Variants in NAALADL2 observed in about 807,000 individuals in gnomAD.
NAALADL2 encodes the protein inactive N-acetylated-alpha-linked acidic dipeptidase-like protein 2.
NAALADL2 carries 76 observed loss-of-function variants against 87.2 expected under a neutral mutation model. The ratio of observed to expected loss-of-function variants is 0.87; its 90% CI spans 0.72 to 1.05. The LOEUF (loss-of-function observed/expected upper bound fraction) is 1.05. Ranked by LOEUF, NAALADL2 falls within the 50% of genes least tolerant of loss-of-function variation. NAALADL2 has a pLI of 0.00. For missense variants in NAALADL2, 1,089 were observed against 945.8 expected (o/e 1.15, Z -1.99); for synonymous variants, 354 against 331.0 (o/e 1.07, Z -0.75).
chr3:174,571,380 C>CT (rs1015591274), intron 2 of NAALADL2, among the ~76,000 whole-genome samples: 5 of 151,330 alleles, frequency 3.3e-5, no homozygotes, highest in South Asian at 2.1e-4. Context: ...CATGTAAATT[C>CT]TTTTTTTTTC....
At chr3:175,276,360 C>A (rs369346420) in intron 4 of NAALADL2, among the ~76,000 whole-genome samples, 1 of 147,594 alleles carries the variant, frequency 6.8e-6, no homozygotes, top group Non-Finnish European at 1.5e-5. Context: ...AGTGCAGCAG[C>A]GTGATCTCAG....
chr3:175,011,306 GA>G (rs1341553454), intron 1 of NAALADL2, among the ~76,000 whole-genome samples: 5 of 150,166 alleles, frequency 3.3e-5, no homozygotes, highest in Admixed American at 3.3e-4. Context: ...GAGAGAGAGA[GA>G]GAGAGAGAGA....
intron 1 of NAALADL2, among the ~76,000 whole-genome samples, chr3:174,862,588 C>T (rs1726634560): frequency 6.6e-6 from 1 of 152,104 alleles, no homozygotes; most frequent in Non-Finnish European, 1.5e-5. Context: ...ATCCAGTTTC[C>T]ATGAGCTTTT....
At chr3:174,504,872 T>C (rs932376858) in intron 1 of NAALADL2, among the ~76,000 whole-genome samples, 1 of 152,156 alleles carries the variant, frequency 6.6e-6, no homozygotes. Flanking sequence ...ACATCTCGTA[T>C]AGAGAAGTGT....
At chr3:175,157,612 A>G (rs907458082) in intron 2 of NAALADL2, among the ~76,000 whole-genome samples, 1 of 152,100 alleles carries the variant, frequency 6.6e-6, no homozygotes, top group African/African-American at 2.4e-5. Flanking sequence ...CCACATTTGA[A>G]CAGTAATGTC....
intron 3 of NAALADL2, among the ~76,000 whole-genome samples, chr3:174,814,210 A>AC (rs1278745799): frequency 1.3e-5 from 2 of 151,870 alleles, no homozygotes; most frequent in African/African-American, 4.8e-5. Flanking sequence ...CCGGGTTCAC[A>AC]CCATTCTTCT....
intron 4 of NAALADL2, among the ~76,000 whole-genome samples, chr3:175,274,759 G>C (rs559571602): frequency 6.6e-6 from 1 of 152,072 alleles, no homozygotes; most frequent in Non-Finnish European, 1.5e-5. Flanking sequence ...TGAATTGAAG[G>C]TGAGCTACCT....
At chr3:174,747,439 T>C (rs888732366) in intron 3 of NAALADL2, among the ~76,000 whole-genome samples, 8 of 151,680 alleles carry the variant, frequency 5.3e-5, no homozygotes, top group African/African-American at 1.9e-4. Context: ...CTGACCAACT[T>C]GGTGAAACCA....
intron 11 of NAALADL2, chr3:175,675,221 G>A (rs759357966): frequency 6.6e-6 from 1 of 152,068 alleles, no homozygotes; most frequent in Non-Finnish European, 1.5e-5. Context: ...TTACCATTCC[G>A]GTAAGTCCTA....
At chr3:175,438,033 G>T (rs764957065) in intron 5 of NAALADL2, among the ~76,000 whole-genome samples, 2 of 151,976 alleles carry the variant, frequency 1.3e-5, no homozygotes, top group Non-Finnish European at 2.9e-5. Context: ...CAATTTCGTG[G>T]TTTCAAATTT....
At chr3:175,162,163 C>T (rs771554196) in intron 2 of NAALADL2, among the ~76,000 whole-genome samples, 18 of 152,096 alleles carry the variant, frequency 1.2e-4, no homozygotes, top group Non-Finnish European at 2.2e-4. Context: ...GGGTAAAAGG[C>T]TATTAAATTT....
In NAALADL2 at chr3:175,411,370, T is replaced by C. The variant is rs548100283; in HGVS notation, c.1091-35859T>C. Among the ~76,000 whole-genome samples, 42 of 152,298 alleles carry C rather than the reference T, an allele frequency of 2.8e-4. 2 individuals are homozygous for C. In the South Asian group the frequency reaches 8.1e-3, roughly 29 times the overall value. On this transcript the variant is annotated intron_variant, in intron 5 of 13. Coordinates refer to ENST00000454872, the MANE Select transcript of NAALADL2 (RefSeq NM_207015.3). ...ATTCAGGAAGAGGGATTAAGTAGTA[T>C]GTATGTTAGAAATACTGGTCTGATT... is the stretch of plus-strand genomic sequence containing the variant.
At chr3:174,870,933 G>A (rs1191353726) in intron 1 of NAALADL2, among the ~76,000 whole-genome samples, 1 of 152,030 alleles carries the variant, frequency 6.6e-6, no homozygotes, top group African/African-American at 2.4e-5. Context: ...CTGTTTTGGT[G>A]CATCTTGATT....
intron 2 of NAALADL2, among the ~76,000 whole-genome samples, chr3:174,637,074 A>T (rs905563503): frequency 6.6e-6 from 1 of 152,166 alleles, no homozygotes; most frequent in Admixed American, 6.5e-5. Context: ...AAGGCACAGA[A>T]ACATAAGTAT....
chr3:175,092,235 A>T (rs1172797483), intron 1 of NAALADL2, among the ~76,000 whole-genome samples: 1 of 151,896 alleles, frequency 6.6e-6, no homozygotes, highest in Non-Finnish European at 1.5e-5. Flanking sequence ...GCATAATTTT[A>T]TGCATAAAAT....
intron 5 of NAALADL2, among the ~76,000 whole-genome samples, chr3:175,356,583 A>AAT (rs1026779511): frequency 9.8e-5 from 12 of 122,964 alleles, no homozygotes; most frequent in African/African-American, 4.3e-4. Context: ...TCAAAATAAT[A>AAT]ATAATAATAA....
chr3:174,774,635 G>A (rs981253162), intron 3 of NAALADL2, among the ~76,000 whole-genome samples: 10 of 152,096 alleles, frequency 6.6e-5, no homozygotes, highest in Non-Finnish European at 7.4e-5. Flanking sequence ...AGACCCATGG[G>A]GAGTTTTCTT....
chr3:174,562,193 A>G (rs1264114942), intron 2 of NAALADL2, among the ~76,000 whole-genome samples: 2 of 152,180 alleles, frequency 1.3e-5, no homozygotes, highest in African/African-American at 2.4e-5. Flanking sequence ...ATAATTTTCT[A>G]CTTAACTCAA....
chr3:174,990,405 C>A (rs1030587723), intron 1 of NAALADL2, among the ~76,000 whole-genome samples: 14 of 152,032 alleles, frequency 9.2e-5, no homozygotes, highest in Non-Finnish European at 1.2e-4. Context: ...TGAAGCCAAG[C>A]CTTGCGTCTC....
Sources: allele counts gnomAD v4.1 joint callset (sites outside exome capture counted in the v4.1 genomes callset), GRCh38; gene constraint gnomAD v4.1.1; transcripts MANE v1.5; gene names NCBI Gene and HGNC (gene_info 2026-07-23, HGNC 2026-07-21).